The following DNAH12 variants were observed in gnomAD, a reference collection of about 807,000 sequenced individuals.
The protein encoded by DNAH12 is axonemal beta dynein heavy chain 12.
Under a neutral mutation model 371.5 loss-of-function variants are expected in DNAH12, and 285 were observed. The observed-to-expected ratio is 0.77, with a 90% confidence interval of 0.70 to 0.85. The LOEUF (loss-of-function observed/expected upper bound fraction) is 0.85, where lower values mean the gene tolerates loss of function less well. DNAH12 is among the 40% of genes least tolerant of loss of function. The pLI is 0.00. For synonymous variants in DNAH12, 1,200 were observed against 1,213.0 expected (o/e 0.99, Z 0.22); for missense variants, 3,611 against 3,689.4 (o/e 0.98, Z 0.55).
At chr3:57,488,224 G>C (rs377497239) in intron 12 of DNAH12, among the ~76,000 whole-genome samples, 1 of 151,886 alleles carries the variant, frequency 6.6e-6, no homozygotes, top group East Asian at 1.9e-4. Flanking sequence ...ATGGAGTCTC[G>C]CACTGTAGCC....
intron 29 of DNAH12, among the ~76,000 whole-genome samples, chr3:57,443,668 G>A (rs938388147): frequency 3.3e-5 from 5 of 151,158 alleles, no homozygotes; most frequent in African/African-American, 1.2e-4. Context: ...ATCACTACCC[G>A]TAGTTACCGT....
At chr3:57,475,060 T>C (rs2066482784) in intron 13 of DNAH12, among the ~76,000 whole-genome samples, 1 of 152,166 alleles carries the variant, frequency 6.6e-6, no homozygotes, top group African/African-American at 2.4e-5. Flanking sequence ...GTCTCTTCAA[T>C]AAATATGTAT....
In DNAH12 at chr3:57,541,486, C is replaced by T. The variant is rs570414870; in HGVS notation, c.170+1215G>A. Among the ~76,000 whole-genome samples, 8 of 152,110 alleles carry T rather than the reference C, an allele frequency of 5.3e-5. 1 individual carries two copies. In the South Asian group the frequency reaches 1.5e-3, roughly 28 times the overall value. On this transcript the variant is annotated intron_variant, in intron 2 of 73. Transcript: ENST00000495027. ...GCTCAACCAATACTCCTGCCTCTGC[C>T]TCCCAAGTAGTTAGGACCACAGGCA...
chr3:57,546,283 G>A (rs936591042), upstream of DNAH12, among the ~76,000 whole-genome samples: 5 of 152,072 alleles, frequency 3.3e-5, no homozygotes, highest in African/African-American at 1.2e-4. Flanking sequence ...CTTATTAAAC[G>A]TTCGTTCTAA....
At chr3:57,542,603 A>C in intron 2 of DNAH12, 98 bp downstream of exon 2, 1 of 1,350,476 alleles carries the variant, frequency 7.4e-7, no homozygotes, top group African/African-American at 1.5e-5. Context: ...TATTTTACCC[A>C]TGAACAACCT....
At chr3:57,525,514 T>C (rs935235785) in intron 2 of DNAH12, among the ~76,000 whole-genome samples, 3 of 152,122 alleles carry the variant, frequency 2.0e-5, no homozygotes, top group Non-Finnish European at 4.4e-5. Flanking sequence ...CAGTCATCAC[T>C]TTATTTTTTA....
rs2061350453 is a variant in DNAH12 at position 57,301,712 on chromosome 3, ACACACACACACACAC to A, written c.11394+8_11394+22del. On this transcript the variant is annotated splice_region_variant and intron_variant, in intron 70 of 73. Coordinates refer to ENST00000495027, the MANE Select transcript of DNAH12 (RefSeq NM_001366028.2). Reference sequence around the variant, plus strand: ...CACACACACACACACACACACACACACACACACACACACACATTTTACCTGTAAAAAGTTCAACCG... The same window carrying A: ...CACACACACACACACACACACACACAATTTTACCTGTAAAAAGTTCAACCG... 4.2e-5 allele frequency: 64 copies of A among 1,532,058 alleles called. No homozygotes were observed. Among genetic ancestry groups the A allele is most frequent in the Non-Finnish European group, 5.2e-5 (59 of 1,131,164 alleles). 94.9% of individuals were successfully genotyped at this position (1,532,058 alleles called of 1,614,324 possible).
chr3:57,431,216 C>T (rs1345817168), intron 32 of DNAH12, among the ~76,000 whole-genome samples: 1 of 144,946 alleles, frequency 6.9e-6, no homozygotes. Context: ...CAGTGACAAC[C>T]CCTGTTTTTT....
chr3:57,465,063 G>T (rs553599759), intron 17 of DNAH12, among the ~76,000 whole-genome samples: 1 of 152,292 alleles, frequency 6.6e-6, no homozygotes, highest in South Asian at 2.1e-4. Context: ...CTAAACTCAG[G>T]TACATGGTTT....
chr3:57,539,553 T>C (rs1192470789), intron 2 of DNAH12, among the ~76,000 whole-genome samples: 3 of 152,156 alleles, frequency 2.0e-5, no homozygotes, highest in African/African-American at 7.2e-5. Flanking sequence ...TCCACAGGCC[T>C]TTCCTGTGGT....
At chr3:57,489,753 ATT>A in intron 11 of DNAH12, 66 bp from the exon 12 acceptor site, 2 of 1,385,558 alleles carry the variant, frequency 1.4e-6, no homozygotes, top group Non-Finnish European at 1.9e-6. Context: ...ATAATATTGT[ATT>A]GTTATGAAAG....
intron 69 of DNAH12, among the ~76,000 whole-genome samples, chr3:57,302,453 G>C (rs1261955139): frequency 6.9e-6 from 1 of 144,710 alleles, no homozygotes. Context: ...CTGAGCAGCT[G>C]AGAGATACTG....
At chr3:57,443,168 G>A (rs2065362859) in intron 29 of DNAH12, among the ~76,000 whole-genome samples, 1 of 152,134 alleles carries the variant, frequency 6.6e-6, no homozygotes, top group African/African-American at 2.4e-5. Flanking sequence ...GGAGTGCAAT[G>A]GCGCAATCTC....
At chr3:57,493,837 A>G (rs1259665414) in intron 11 of DNAH12, 1 of 152,160 alleles carries the variant, frequency 6.6e-6, no homozygotes, top group Non-Finnish European at 1.5e-5. Flanking sequence ...GTAAAAACAC[A>G]AACTAGGAAT....
At chr3:57,366,049 C>T (rs1322419830) in intron 57 of DNAH12, among the ~76,000 whole-genome samples, 18 of 152,140 alleles carry the variant, frequency 1.2e-4, no homozygotes, top group African/African-American at 2.2e-4. Context: ...CATTCCCAAA[C>T]GGTTGGGCAT....
At position 57,426,320 on chromosome 3, in the gene DNAH12, AAATAAAGG is replaced by A. The variant is rs143444907; in HGVS notation, c.5254-1187_5254-1180del. ...GAAGAGAGTTCCAAGGGAGGGTTTTAAATAAAGGAATAAACAGAAAGGATTTGTGTTTT... is the reference window on the plus strand; with the variant it reads ...GAAGAGAGTTCCAAGGGAGGGTTTTAAATAAACAGAAAGGATTTGTGTTTT... On this transcript the variant is annotated intron_variant, in intron 34 of 73. Transcript: ENST00000495027. Among the ~76,000 whole-genome samples the A allele has an allele frequency of 5.7e-3, 864 of 152,272 alleles. 3 individuals are homozygous for A. The highest frequency in any genetic ancestry group is 0.019 in the African/African-American group (783 of 41,550).
chr3:57,444,588 G>A lies in DNAH12; in HGVS notation c.4545+109C>T, dbSNP rs983843037. On this transcript the variant is annotated intron_variant, in intron 29 of 73. Coordinates refer to ENST00000495027, the MANE Select transcript of DNAH12 (RefSeq NM_001366028.2). ...ATTAACTAAAGTGGACAAAATAGGG[G>A]ATTTTCCTCAAAACAGAATAATTTC... The A allele has an allele frequency of 4.1e-6, 6 of 1,461,802 alleles. No homozygotes were observed. The African/African-American group carries it at 4.3e-5, about 10-fold the overall frequency. The allele number at this position is 1,461,802 out of a possible 1,614,324, so 90.6% of individuals were successfully genotyped here.
intron 26 of DNAH12, 79 bp downstream of exon 26, chr3:57,446,458 G>C (rs925545217): frequency 1.4e-6 from 2 of 1,452,768 alleles, no homozygotes; most frequent in Middle Eastern, 1.8e-4. Flanking sequence ...GTTTAAACAT[G>C]AGTTTGCTTC....
chr3:57,553,793 AG>A, the DNAH12 span, among the ~76,000 whole-genome samples: 2 of 152,052 alleles, frequency 1.3e-5, no homozygotes, highest in Admixed American at 1.3e-4. Context: ...CAATTGATGT[AG>A]GCAAAATGTC....
Sources: allele counts gnomAD v4.1 joint callset (sites outside exome capture counted in the v4.1 genomes callset), GRCh38; gene constraint gnomAD v4.1.1; transcripts MANE v1.5; gene names NCBI Gene and HGNC (gene_info 2026-07-23, HGNC 2026-07-21).